PRPSAP2: variants seen among roughly 807,000 people sequenced by gnomAD.
PRPSAP2 encodes phosphoribosyl pyrophosphate synthase-associated protein 2.
PRPSAP2 carries 24 observed loss-of-function variants against 40.6 expected under a neutral mutation model. The ratio of observed to expected loss-of-function variants is 0.59; its 90% CI spans 0.43 to 0.83. The LOEUF is 0.83. PRPSAP2 is among the 40% of genes least tolerant of loss of function. The probability of loss-of-function intolerance (pLI) is 0.00; values close to 1 mark genes in which losing one functional copy is unlikely to be tolerated. For synonymous variants in PRPSAP2, 149 were observed against 164.7 expected, an observed-to-expected ratio of 0.90 and a Z score of 0.73; for missense variants, 292 against 465.6, an observed-to-expected ratio of 0.63 and a Z score of 3.43.
intron 1 of PRPSAP2, among the ~76,000 whole-genome samples, chr17:18,862,305 C>G (rs892420266): frequency 1.3e-5 from 2 of 152,116 alleles, no homozygotes; most frequent in African/African-American, 4.8e-5. Flanking sequence ...TACAGATGGG[C>G]TTTGAACAAA....
rs1205279277 is a variant in PRPSAP2 at position 18,928,817 on chromosome 17, A to G, written c.811A>G (p.Ile271Val). 8 of 1,613,792 alleles carry G rather than the reference A, an allele frequency of 5.0e-6. No individual in the cohort carries two copies. Among genetic ancestry groups the G allele is most frequent in the African/African-American group, 2.7e-5 (2 of 74,928 alleles). ...GGRIAIIVDDIIDDVDSFLAA... is the reference protein window; with the variant it reads ...GGRIAIIVDDVIDDVDSFLAA... The stretch of plus-strand genomic sequence containing the variant: ...TCCATCTGTGCTTTGGCAGGATGAC[A>G]TCATTGATGATGTTGACAGCTTTCT... Residue 271 changes from isoleucine to valine, a missense_variant, in exon 11 of 12, where the codon ATC becomes GTC. Coordinates refer to ENST00000268835, the MANE Select transcript of PRPSAP2 (RefSeq NM_002767.4).
chr17:18,906,706 T>C (rs186065125), intron 8 of PRPSAP2, among the ~76,000 whole-genome samples: 1 of 150,794 alleles, frequency 6.6e-6, no homozygotes, highest in Non-Finnish European at 1.5e-5. Flanking sequence ...GTGTGTTTGT[T>C]TGTTTGTTTG....
At chr17:18,889,924 T>G in intron 8 of PRPSAP2, 47 bp downstream of exon 8, 2 of 1,555,172 alleles carry the variant, frequency 1.3e-6, no homozygotes, top group Non-Finnish European at 1.8e-6. Context: ...TTCTAAGGAT[T>G]GTATCCGTGA....
chr17:18,897,553 C>T (rs1156831284), intron 8 of PRPSAP2, among the ~76,000 whole-genome samples: 3 of 151,992 alleles, frequency 2.0e-5, no homozygotes, highest in Non-Finnish European at 1.5e-5. Context: ...CCTCCACCTC[C>T]CAGGTTCAAG....
intron 1 of PRPSAP2, among the ~76,000 whole-genome samples, chr17:18,864,292 T>C (rs1234217698): frequency 3.3e-5 from 5 of 151,732 alleles, no homozygotes; most frequent in Non-Finnish European, 5.9e-5. Flanking sequence ...CTATCATGTT[T>C]CAGGTTTTTT....
intron 8 of PRPSAP2, among the ~76,000 whole-genome samples, chr17:18,894,963 A>T (rs2039823105): frequency 6.6e-6 from 1 of 152,142 alleles, no homozygotes; most frequent in Non-Finnish European, 1.5e-5. Flanking sequence ...GATTGGGGAG[A>T]ACTGGCATCT....
chr17:18,892,919 G>T (rs927037410), intron 8 of PRPSAP2, among the ~76,000 whole-genome samples: 1 of 151,042 alleles, frequency 6.6e-6, no homozygotes, highest in Non-Finnish European at 1.5e-5. Flanking sequence ...ATTTTTATGT[G>T]CTTTTTGGCC....
rs149614767 is a variant in PRPSAP2 at position 18,872,647 on chromosome 17, G to A, written c.237G>A (p.Ser79=). 1,077 of 1,587,234 alleles carry A rather than the reference G, an allele frequency of 6.8e-4. 11 individuals are homozygous for A. Among genetic ancestry groups the A allele is most frequent in the East Asian group, 2.0e-4 (9 of 44,722 alleles). The change falls in exon 5 of 12, where the codon TCG becomes TCA. Residue 79 remains serine, a splice_region_variant and synonymous_variant. Coordinates refer to ENST00000268835, the MANE Select transcript of PRPSAP2 (RefSeq NM_002767.4). ...GKDVFIIQTV[S]KDVNTTIMEL... is the part of the protein sequence containing the mutation. ...ATGTTTTCATCATCCAAACTGTTTC[G>A]AAGTGAGTATCCAGCAAAAGTGTTG...
chr17:18,907,476 A>G (rs2040668034), intron 8 of PRPSAP2, among the ~76,000 whole-genome samples: 1 of 152,238 alleles, frequency 6.6e-6, no homozygotes, highest in African/African-American at 2.4e-5. Context: ...TTCTCTTAGT[A>G]ATTGATAGAA....
At chr17:18,895,574 C>CT (rs896279067) in intron 8 of PRPSAP2, among the ~76,000 whole-genome samples, 19 of 150,284 alleles carry the variant, frequency 1.3e-4, no homozygotes, top group Non-Finnish European at 7.4e-5. Context: ...CCATGTTTTT[C>CT]TTTTTTTTAA....
intron 3 of PRPSAP2, 36 bp from the exon 4 acceptor site, chr17:18,867,246 T>G (rs2037499071): frequency 6.2e-7 from 1 of 1,603,658 alleles, no homozygotes; most frequent in East Asian, 2.2e-5. Flanking sequence ...TTTCTTCTAT[T>G]ACTTTTTCAG....
At chr17:18,864,205 T>C (rs12600851) in intron 1 of PRPSAP2, among the ~76,000 whole-genome samples, 1 of 151,742 alleles carries the variant, frequency 6.6e-6, no homozygotes, top group Non-Finnish European at 1.5e-5. Flanking sequence ...AAAAGTCTTA[T>C]GTTGTCCCTA....
chr17:18,919,692 C>T (rs1225244202), intron 9 of PRPSAP2, among the ~76,000 whole-genome samples: 2 of 152,118 alleles, frequency 1.3e-5, no homozygotes, highest in African/African-American at 4.8e-5. Flanking sequence ...AGGGAATGAA[C>T]ATTTTTAGTG....
intron 6 of PRPSAP2, among the ~76,000 whole-genome samples, chr17:18,880,890 G>C (rs1251474860): frequency 9.2e-5 from 14 of 152,000 alleles, no homozygotes; most frequent in Admixed American, 7.2e-4. Context: ...CTGGAGTGCA[G>C]TGGCATGATC....
chr17:18,889,977 G>A (rs2039435433), intron 8 of PRPSAP2, 100 bp downstream of exon 8: 8 of 1,007,356 alleles, frequency 7.9e-6, no homozygotes, highest in Admixed American at 7.4e-5. Context: ...GGTTCCCAGC[G>A]ATATCTCTTA....
chr17:18,867,206 C>T (rs1227916605), intron 3 of PRPSAP2, 76 bp from the exon 4 acceptor site: 48 of 1,346,296 alleles, frequency 3.6e-5, no homozygotes, highest in Middle Eastern at 1.8e-4. Context: ...TATCGATTTA[C>T]GAGTCTCCTT....
intron 8 of PRPSAP2, among the ~76,000 whole-genome samples, chr17:18,902,737 C>T (rs747205442): frequency 4.6e-5 from 7 of 151,796 alleles, no homozygotes; most frequent in African/African-American, 7.3e-5. Context: ...GGCATGGTGG[C>T]GCACGCCTGT....
At chr17:18,878,933 C>T (rs1466706841) in intron 6 of PRPSAP2, among the ~76,000 whole-genome samples, 1 of 150,894 alleles carries the variant, frequency 6.6e-6, no homozygotes, top group Non-Finnish European at 1.5e-5. Flanking sequence ...GCAGTGGTGG[C>T]ACCTCGGCTC....
chr17:18,895,254 T>TA (rs1203389191), intron 8 of PRPSAP2, among the ~76,000 whole-genome samples: 1 of 151,136 alleles, frequency 6.6e-6, no homozygotes, highest in African/African-American at 2.4e-5. Context: ...CCTGGCTAAT[T>TA]AAAAAAATAT....
Sources: gnomAD v4.1 joint callset for allele counts (sites outside exome capture counted in the v4.1 genomes callset) on GRCh38, gnomAD v4.1.1 for gene constraint, MANE v1.5 for transcripts, NCBI Gene and HGNC (gene_info 2026-07-23, HGNC 2026-07-21) for gene names.